The following CDH18 variants were observed in gnomAD, a reference collection of about 807,000 sequenced individuals.
CDH18 encodes the protein cadherin 18.
Under a neutral mutation model 67.9 loss-of-function variants are expected in CDH18, and 31 were observed. The ratio of observed to expected loss-of-function variants is 0.46; its 90% CI spans 0.34 to 0.62. CDH18 has a LOEUF of 0.62. Ranked by LOEUF, CDH18 falls within the 20% of genes least tolerant of loss-of-function variation. The pLI, the probability that CDH18 is intolerant of heterozygous loss-of-function variation, is 0.01. For synonymous variants in CDH18, 362 were observed against 347.2 expected (o/e 1.04, Z -0.48); for missense variants, 890 against 975.5 (o/e 0.91, Z 1.17).
intron 1 of CDH18, among the ~76,000 whole-genome samples, chr5:20,268,739 A>G (rs56120709): frequency 0.058 from 8,859 of 152,162 alleles, 303 homozygotes; most frequent in East Asian, 0.14. Context: ...ACAACAACGA[A>G]AAAGACTTAA....
intron 2 of CDH18, among the ~76,000 whole-genome samples, chr5:19,876,194 C>T (rs1786982001): frequency 6.6e-6 from 1 of 151,996 alleles, no homozygotes; most frequent in Non-Finnish European, 1.5e-5. Context: ...AAATCCTACC[C>T]ATTTGTGAAG....
At chr5:19,668,009 T>TA (rs947868841) in intron 5 of CDH18, among the ~76,000 whole-genome samples, 9 of 151,964 alleles carry the variant, frequency 5.9e-5, no homozygotes, top group African/African-American at 9.7e-5. Context: ...ATAGAACTAA[T>TA]AAAAAAACTA....
intron 1 of CDH18, among the ~76,000 whole-genome samples, chr5:20,298,456 A>T (rs1374069308): frequency 6.6e-6 from 1 of 152,130 alleles, no homozygotes; most frequent in Admixed American, 6.5e-5. Flanking sequence ...TCCTTTGGGG[A>T]AGTTGTCTAT....
intron 5 of CDH18, among the ~76,000 whole-genome samples, chr5:19,632,546 C>A (rs1265423210): frequency 6.6e-6 from 1 of 152,124 alleles, no homozygotes; most frequent in African/African-American, 2.4e-5. Flanking sequence ...AGGGCTATCT[C>A]TTTTTTTCTT....
At chr5:19,750,773 C>G (rs958075631) in intron 3 of CDH18, among the ~76,000 whole-genome samples, 11 of 78,746 alleles carry the variant, frequency 1.4e-4, no homozygotes, top group Admixed American at 9.6e-4. Flanking sequence ...CCCCCCCCCC[C>G]ACTTTTTTTA....
chr5:20,279,561 T>C (rs1053910649), intron 1 of CDH18, among the ~76,000 whole-genome samples: 1 of 151,290 alleles, frequency 6.6e-6, no homozygotes, highest in African/African-American at 2.4e-5. Flanking sequence ...TAGCTGGGCA[T>C]GGTGGTGGTC....
At chr5:19,791,392 T>C (rs1296025687) in intron 3 of CDH18, among the ~76,000 whole-genome samples, 1 of 72,668 alleles carries the variant, frequency 1.4e-5, no homozygotes, top group Non-Finnish European at 3.4e-5. Flanking sequence ...CACACACACA[T>C]CTGTTCAGCA....
At chr5:20,092,900 C>T (rs575631729) in intron 2 of CDH18, among the ~76,000 whole-genome samples, 101 of 152,196 alleles carry the variant, frequency 6.6e-4, no homozygotes, top group Middle Eastern at 3.4e-3. Flanking sequence ...TGACTGAGAT[C>T]ACATTTGGTA....
At chr5:19,508,641 G>A (rs904784989) in intron 10 of CDH18, among the ~76,000 whole-genome samples, 1 of 151,966 alleles carries the variant, frequency 6.6e-6, no homozygotes, top group African/African-American at 2.4e-5. Flanking sequence ...ACAAATAGAT[G>A]TATCCACTTT....
intron 2 of CDH18, among the ~76,000 whole-genome samples, chr5:20,137,316 C>T (rs1003258220): frequency 6.6e-6 from 1 of 152,096 alleles, no homozygotes; most frequent in African/African-American, 2.4e-5. Flanking sequence ...TCTCTTCTCA[C>T]TTCATTTCAT....
At chr5:20,285,290 C>A (rs1384168484) in intron 1 of CDH18, among the ~76,000 whole-genome samples, 1 of 150,744 alleles carries the variant, frequency 6.6e-6, no homozygotes, top group Non-Finnish European at 1.5e-5. Flanking sequence ...TATCAGCACA[C>A]TCAATGGTCA....
chr5:20,348,620 T>C (rs1740901979), intron 1 of CDH18, among the ~76,000 whole-genome samples: 1 of 152,118 alleles, frequency 6.6e-6, no homozygotes, highest in African/African-American at 2.4e-5. Flanking sequence ...ATTTGCATCA[T>C]ACTGAGAAAG....
chr5:20,467,209 T>C (rs1377686115), intron 1 of CDH18, among the ~76,000 whole-genome samples: 1 of 152,156 alleles, frequency 6.6e-6, no homozygotes, highest in Non-Finnish European at 1.5e-5. Context: ...AATATATAAG[T>C]ATGTATCATC....
At chr5:19,665,920 A>G (rs1757854714) in intron 5 of CDH18, among the ~76,000 whole-genome samples, 1 of 152,094 alleles carries the variant, frequency 6.6e-6, no homozygotes, top group South Asian at 2.1e-4. Context: ...CACTGATTTA[A>G]TATTTTTCAT....
chr5:20,056,263 C>G (rs570071588), intron 2 of CDH18, among the ~76,000 whole-genome samples: 1 of 149,282 alleles, frequency 6.7e-6, no homozygotes, highest in African/African-American at 2.4e-5. Context: ...CTTGGCCTCC[C>G]GTAGTGCTGG....
At chr5:19,899,435 A>G (rs1238414696) in intron 2 of CDH18, among the ~76,000 whole-genome samples, 2 of 152,038 alleles carry the variant, frequency 1.3e-5, no homozygotes, top group African/African-American at 4.8e-5. Context: ...CACATCTATT[A>G]TGATAATTAT....
intron 4 of CDH18, among the ~76,000 whole-genome samples, chr5:19,732,064 T>C (rs1767669825): frequency 6.6e-6 from 1 of 151,532 alleles, no homozygotes; most frequent in African/African-American, 2.4e-5. Context: ...CACTCCAGCC[T>C]GGGTAACAGA....
chr5:19,746,709 G>C (rs1006967807), intron 4 of CDH18, among the ~76,000 whole-genome samples: 6 of 151,996 alleles, frequency 3.9e-5, no homozygotes, highest in African/African-American at 1.4e-4. Context: ...CTTTCCCCTT[G>C]AGATCCAACT....
chr5:19,957,734 T>C (rs529505405), intron 2 of CDH18, among the ~76,000 whole-genome samples: 187 of 152,098 alleles, frequency 1.2e-3, no homozygotes, highest in Non-Finnish European at 2.2e-3. Flanking sequence ...TCGAGAAGAA[T>C]TATATACATT....
Sources: allele counts gnomAD v4.1 joint callset (sites outside exome capture counted in the v4.1 genomes callset), GRCh38; gene constraint gnomAD v4.1.1; transcripts MANE v1.5; gene names NCBI Gene and HGNC (gene_info 2026-07-23, HGNC 2026-07-21).